VEPH1: variants seen among roughly 807,000 people sequenced by gnomAD.
The protein encoded by VEPH1 is ventricular zone-expressed PH domain-containing protein homolog 1.
A neutral mutation model predicts 85.2 loss-of-function variants in VEPH1; 80 were observed. That is an observed-to-expected ratio of 0.94 (90% CI 0.78 to 1.13). VEPH1 has a LOEUF of 1.13. Among genes scored for constraint, VEPH1 ranks in the 50% most tolerant of loss-of-function variants. VEPH1 has a pLI of 0.00. For synonymous variants in VEPH1, 297 were observed against 348.0 expected, an observed-to-expected ratio of 0.85 and a Z score of 1.63; for missense variants, 955 against 980.5, an observed-to-expected ratio of 0.97 and a Z score of 0.35.
chr3:157,488,269 TC>T (rs1337040173), intron 2 of VEPH1, among the ~76,000 whole-genome samples: 1 of 152,076 alleles, frequency 6.6e-6, no homozygotes, highest in Non-Finnish European at 1.5e-5. Context: ...TCAATTCTCT[TC>T]CCACCATCTG....
At chr3:157,439,790 G>C (rs1177438406) in intron 4 of VEPH1, among the ~76,000 whole-genome samples, 4 of 152,042 alleles carry the variant, frequency 2.6e-5, no homozygotes, top group African/African-American at 7.2e-5. Flanking sequence ...TCGCTCTGTC[G>C]CCCAGGCTGG....
At chr3:157,465,923 G>A (rs952671033) in intron 3 of VEPH1, among the ~76,000 whole-genome samples, 7 of 152,152 alleles carry the variant, frequency 4.6e-5, no homozygotes, top group African/African-American at 1.7e-4. Context: ...ATGAAATGTG[G>A]AGCTGATTAA....
chr3:157,399,099 A>G (rs1464542956), intron 6 of VEPH1, among the ~76,000 whole-genome samples: 4 of 152,100 alleles, frequency 2.6e-5, no homozygotes, highest in African/African-American at 9.7e-5. Flanking sequence ...AAAAATCTTA[A>G]ACATGAATGC....
At chr3:157,327,486 A>G (rs548164778) in intron 9 of VEPH1, among the ~76,000 whole-genome samples, 2 of 152,328 alleles carry the variant, frequency 1.3e-5, no homozygotes, top group East Asian at 3.9e-4. Flanking sequence ...TAAATTTTAT[A>G]ATATTACAAT....
In VEPH1 at chr3:157,464,442, A is replaced by G. The variant is rs180747676; in HGVS notation, c.355-4087T>C. Reference sequence around the variant, plus strand: ...ACAGTTCTACAAACAAATGACTTTAACAGCAGCTGATAATGCCAGAGCCTA... The same window carrying G: ...ACAGTTCTACAAACAAATGACTTTAGCAGCAGCTGATAATGCCAGAGCCTA... On this transcript the variant is annotated intron_variant, in intron 3 of 13. Coordinates refer to ENST00000362010, the MANE Select transcript of VEPH1 (RefSeq NM_001167912.2). Among the ~76,000 whole-genome samples the G allele has an allele frequency of 2.2e-3, 339 of 152,338 alleles. 1 individual carries two copies. Among genetic ancestry groups the G allele is most frequent in the African/African-American group, 7.2e-3 (301 of 41,582 alleles).
At position 157,319,253 on chromosome 3, in the gene VEPH1, A is replaced by G. The variant is rs1305370615; in HGVS notation, c.1736-2052T>C. On this transcript the variant is annotated intron_variant, in intron 9 of 13. Coordinates refer to ENST00000362010, the MANE Select transcript of VEPH1 (RefSeq NM_001167912.2). ...AGGAAATTAAAAAGATTTAAGTTGA[A>G]CATACAGTGTTCTTGTATAAAATCA... Among the ~76,000 whole-genome samples, 4 of 152,216 alleles carry G rather than the reference A, an allele frequency of 2.6e-5. No homozygotes were observed. In the East Asian group the frequency reaches 5.8e-4, roughly 22 times the overall value.
chr3:157,486,045 G>T (rs544614760), intron 2 of VEPH1, among the ~76,000 whole-genome samples: 4 of 152,090 alleles, frequency 2.6e-5, no homozygotes, highest in Non-Finnish European at 5.9e-5. Context: ...GTAACTGATG[G>T]TCCAAACAAA....
At chr3:157,500,331 C>A (rs1740003329) in intron 1 of VEPH1, among the ~76,000 whole-genome samples, 1 of 152,176 alleles carries the variant, frequency 6.6e-6, no homozygotes, top group Admixed American at 6.5e-5. Context: ...TATATCAAAT[C>A]ATCTCACTTC....
At chr3:157,491,844 T>A (rs564267848) in intron 2 of VEPH1, among the ~76,000 whole-genome samples, 2 of 152,322 alleles carry the variant, frequency 1.3e-5, no homozygotes, top group South Asian at 2.1e-4. Context: ...CCTTAGCACA[T>A]CACAAGATAA....
chr3:157,438,073 C>CA (rs1560062154), intron 4 of VEPH1, among the ~76,000 whole-genome samples: 22 of 136,854 alleles, frequency 1.6e-4, no homozygotes, highest in African/African-American at 4.5e-4. Context: ...ACACACACAC[C>CA]CCTATTTCTG....
rs2109805493 is a variant in VEPH1 at position 157,503,350 on chromosome 3, A to T, written c.-231T>A. 1 of 152,322 alleles carries T rather than the reference A, an allele frequency of 6.6e-6. No homozygotes were observed. The highest frequency in any genetic ancestry group is 1.9e-4 in the East Asian group (1 of 5,170). 9.4% of individuals were successfully genotyped at this position (152,322 alleles called of 1,614,324 possible). A position where few individuals can be genotyped will look rare whatever the true frequency, so the allele number is the denominator to read the frequency against. On this transcript the variant is annotated 5_prime_UTR_variant, in exon 1 of 14. Coordinates refer to ENST00000362010, the MANE Select transcript of VEPH1 (RefSeq NM_001167912.2). Reference sequence around the variant, plus strand: ...TGATCTTTAGAGCACTGCAGCTGGGACCCATGACCATGCTCAGAGGCAGCC... The same window carrying T: ...TGATCTTTAGAGCACTGCAGCTGGGTCCCATGACCATGCTCAGAGGCAGCC...
intron 2 of VEPH1, among the ~76,000 whole-genome samples, chr3:157,473,230 G>A (rs891798724): frequency 5.2e-4 from 79 of 151,530 alleles, no homozygotes; most frequent in African/African-American, 1.8e-3. Context: ...ATGCCACCAC[G>A]CCCGGCTAAT....
At chr3:157,409,995 G>T in intron 6 of VEPH1, 1 of 923,770 alleles carries the variant, frequency 1.1e-6, no homozygotes, top group South Asian at 5.0e-5. Context: ...GCTCTGATCA[G>T]TCAGAGATTG....
At chr3:157,422,808 C>T (rs919808993) in intron 5 of VEPH1, among the ~76,000 whole-genome samples, 2 of 152,084 alleles carry the variant, frequency 1.3e-5, no homozygotes, top group Admixed American at 6.6e-5. Context: ...CTTGTTTTTT[C>T]TAAACTTCCT....
In VEPH1 at chr3:157,313,726, CTG is replaced by C. The variant is rs760008291; in HGVS notation, c.1903_1904del (p.Gln635GlufsTer23). 8 of 1,614,092 alleles carry C rather than the reference CTG, an allele frequency of 5.0e-6. No individual in the cohort carries two copies. The highest frequency in any genetic ancestry group is 6.8e-6 in the Non-Finnish European group (8 of 1,180,004). On this transcript the variant is annotated frameshift_variant, in exon 11 of 14. Transcript: ENST00000362010. LOFTEE classifies it high-confidence loss of function. ...CTCTGAGGAATTGCACAGAATGACT[CTG>C]AATGGACAGGGGTTCAGGAAACAGG... ...QSLFPEPLSI[Q>X]SHSVQFLRAL...
At chr3:157,285,631 G>C (rs1054104722) in intron 12 of VEPH1, among the ~76,000 whole-genome samples, 1 of 152,174 alleles carries the variant, frequency 6.6e-6, no homozygotes, top group Non-Finnish European at 1.5e-5. Context: ...TTCCTGAGCC[G>C]AGTCAGCATT....
At chr3:157,478,401 T>C (rs762742016) in intron 2 of VEPH1, among the ~76,000 whole-genome samples, 31 of 152,134 alleles carry the variant, frequency 2.0e-4, no homozygotes, top group Non-Finnish European at 4.4e-5. Context: ...CATTTCAGAG[T>C]CTGTTTTCCT....
At chr3:157,458,095 G>C (rs546208777) in intron 4 of VEPH1, among the ~76,000 whole-genome samples, 1 of 152,264 alleles carries the variant, frequency 6.6e-6, no homozygotes, top group South Asian at 2.1e-4. Flanking sequence ...GGTCTTAAGG[G>C]TGTATGTGCC....
chr3:157,439,510 C>T (rs1733943779), intron 4 of VEPH1, among the ~76,000 whole-genome samples: 1 of 152,132 alleles, frequency 6.6e-6, no homozygotes, highest in Non-Finnish European at 1.5e-5. Flanking sequence ...GAGTTTCTGA[C>T]ATTTTAAAGA....
Sources: allele counts gnomAD v4.1 joint callset (sites outside exome capture counted in the v4.1 genomes callset), GRCh38; gene constraint gnomAD v4.1.1; transcripts MANE v1.5; gene names NCBI Gene and HGNC (gene_info 2026-07-23, HGNC 2026-07-21).